CDH22: variants seen among roughly 807,000 people sequenced by gnomAD.
The protein encoded by CDH22 is cadherin 22.
CDH22 carries 30 observed loss-of-function variants against 58.4 expected under a neutral mutation model. That is an observed-to-expected ratio of 0.51 (90% CI 0.38 to 0.70). The LOEUF is 0.70. CDH22 is among the 30% of genes least tolerant of loss of function. The pLI is 0.00. For missense variants in CDH22, 1,014 were observed against 1,233.9 expected, an observed-to-expected ratio of 0.82 and a Z score of 2.67; for synonymous variants, 513 against 558.2, an observed-to-expected ratio of 0.92 and a Z score of 1.14.
intron 1 of CDH22, among the ~76,000 whole-genome samples, chr20:46,261,902 A>C (rs1481795139): frequency 6.6e-6 from 1 of 152,106 alleles, no homozygotes; most frequent in Admixed American, 6.5e-5. Flanking sequence ...GGCACGATGG[A>C]GCCACAAATG....
intron 5 of CDH22, 63 bp from the exon 6 acceptor site, chr20:46,213,251 T>A: frequency 1.5e-6 from 2 of 1,337,548 alleles, no homozygotes; most frequent in South Asian, 2.4e-5. Context: ...CTGCCAGCAG[T>A]GGGGGAGGGG....
chr20:46,294,136 T>C (rs1480139098), intron 1 of CDH22, among the ~76,000 whole-genome samples: 2 of 152,230 alleles, frequency 1.3e-5, no homozygotes, highest in Non-Finnish European at 2.9e-5. Flanking sequence ...GGGGCAGCTT[T>C]ATGGTTTATG....
At chr20:46,249,245 T>C (rs924384857) in intron 2 of CDH22, among the ~76,000 whole-genome samples, 2 of 152,202 alleles carry the variant, frequency 1.3e-5, no homozygotes, top group African/African-American at 2.4e-5. Flanking sequence ...TGTTTCACCA[T>C]TGGCTACTAC....
intron 4 of CDH22, among the ~76,000 whole-genome samples, chr20:46,223,353 A>C (rs1383076986): frequency 6.6e-6 from 1 of 151,588 alleles, no homozygotes; most frequent in Non-Finnish European, 1.5e-5. Context: ...CCCTTCTCTT[A>C]TTTCTATGTT....
intron 4 of CDH22, among the ~76,000 whole-genome samples, chr20:46,226,631 T>C (rs1171057552): frequency 1.3e-5 from 2 of 152,002 alleles, no homozygotes; most frequent in East Asian, 3.9e-4. Flanking sequence ...CGAGAAGCCT[T>C]GCATCCTAAT....
chr20:46,197,128 G>A (rs568462730), intron 8 of CDH22, among the ~76,000 whole-genome samples: 11 of 152,240 alleles, frequency 7.2e-5, no homozygotes, highest in South Asian at 2.1e-4. Flanking sequence ...CAGCAATGCC[G>A]TGGGGACCAA....
At chr20:46,230,205 G>A (rs550615626) in intron 3 of CDH22, among the ~76,000 whole-genome samples, 129 of 152,226 alleles carry the variant, frequency 8.5e-4, no homozygotes, top group African/African-American at 2.9e-3. Context: ...AGGTTCAGCA[G>A]TTTATATTTC....
intron 7 of CDH22, among the ~76,000 whole-genome samples, chr20:46,205,171 T>C (rs887778166): frequency 1.2e-4 from 19 of 152,198 alleles, no homozygotes; most frequent in Admixed American, 6.5e-4. Context: ...CCACACATGA[T>C]GCCTGGAAAA....
At chr20:46,181,609 T>TTCCCTCCC (rs929451365) in intron 10 of CDH22, among the ~76,000 whole-genome samples, 115 of 142,734 alleles carry the variant, frequency 8.1e-4, no homozygotes, top group South Asian at 2.3e-3. Flanking sequence ...CCTTCCTTCC[T>TTCCCTCCC]TCCCTCCCTC....
chr20:46,198,054 G>A (rs1283732383), intron 8 of CDH22, among the ~76,000 whole-genome samples: 1 of 152,132 alleles, frequency 6.6e-6, no homozygotes, highest in African/African-American at 2.4e-5. Flanking sequence ...TGGTGGCTCT[G>A]TTGATGCCTG....
chr20:46,197,710 C>T (rs1274462080), intron 8 of CDH22, among the ~76,000 whole-genome samples: 1 of 152,214 alleles, frequency 6.6e-6, no homozygotes, highest in Non-Finnish European at 1.5e-5. Context: ...TTGTTATCTC[C>T]CTTTCATGCG....
At position 46,240,860 on chromosome 20, in the gene CDH22, T is replaced by G. The variant is rs1455392163; in HGVS notation, c.550+103A>C. 2.8e-6 allele frequency: 3 copies of G among 1,086,228 alleles called. No individual in the cohort carries two copies. In the South Asian group the frequency reaches 4.8e-5, roughly 17 times the overall value. The allele number at this position is 1,086,228 out of a possible 1,614,324, so 67.3% of individuals were successfully genotyped here. A position where few individuals can be genotyped will look rare whatever the true frequency, so the allele number is the denominator to read the frequency against. Reference sequence around the variant, plus strand: ...CTGTACCCTAGGTCAGCAGGCTCTGTCTTTTCTGTCCCTCCCCAGAGGATC... The same window carrying G: ...CTGTACCCTAGGTCAGCAGGCTCTGGCTTTTCTGTCCCTCCCCAGAGGATC... On this transcript the variant is annotated intron_variant, in intron 3 of 11. Transcript: ENST00000537909.
At position 46,199,595 on chromosome 20, in the gene CDH22, C is replaced by T. The variant is rs369946310; in HGVS notation, c.1287-36G>A. 5.0e-6 allele frequency: 8 copies of T among 1,604,744 alleles called. No homozygotes were observed. In the African/African-American group the frequency reaches 5.3e-5, roughly 11 times the overall value. On this transcript the variant is annotated intron_variant, in intron 7 of 11. Coordinates refer to ENST00000537909, the MANE Select transcript of CDH22 (RefSeq NM_021248.3). ...CAGGGCAGGGCTGATTGAAGGTGCC[C>T]CAGTGCCAAATGGAGCCCATGTCCT...
At chr20:46,254,505 A>C (rs1175074769) in intron 1 of CDH22, among the ~76,000 whole-genome samples, 1 of 150,928 alleles carries the variant, frequency 6.6e-6, no homozygotes, top group Non-Finnish European at 1.5e-5. Context: ...TAGTGAGCCA[A>C]GACCATGCCA....
chr20:46,207,078 G>T (rs1470405888), intron 7 of CDH22, among the ~76,000 whole-genome samples: 2 of 152,164 alleles, frequency 1.3e-5, no homozygotes, highest in African/African-American at 4.8e-5. Flanking sequence ...GTGTCCCCAG[G>T]CCTGGCTCAG....
rs2086184062 is a variant in CDH22, at chr20:46,227,452, G to A, written c.670+56C>T. 3 of 1,013,408 alleles carry A rather than the reference G, an allele frequency of 3.0e-6. No homozygotes were observed. In the African/African-American group the frequency reaches 4.8e-5, roughly 16 times the overall value. 62.8% of individuals were successfully genotyped at this position (1,013,408 alleles called of 1,614,324 possible). A position where few individuals can be genotyped will look rare whatever the true frequency, so the allele number is the denominator to read the frequency against. ...AGACGTCTGGGGTGGTCCTCGTCCCGCCCCGCCCCTGGCCCCGCCCCACGG... is the reference window on the plus strand; with the variant it reads ...AGACGTCTGGGGTGGTCCTCGTCCCACCCCGCCCCTGGCCCCGCCCCACGG... On this transcript the variant is annotated intron_variant, in intron 4 of 11. Coordinates refer to ENST00000537909, the MANE Select transcript of CDH22 (RefSeq NM_021248.3).
chr20:46,229,868 G>A (rs1020885209), intron 3 of CDH22, among the ~76,000 whole-genome samples: 3 of 152,104 alleles, frequency 2.0e-5, no homozygotes, highest in Non-Finnish European at 4.4e-5. Context: ...CACTCCCTGG[G>A]CAAAGCACAA....
chr20:46,240,352 C>T (rs1028564184), intron 3 of CDH22, among the ~76,000 whole-genome samples: 97 of 152,030 alleles, frequency 6.4e-4, no homozygotes, highest in African/African-American at 2.2e-3. Context: ...GGTGTGAGGT[C>T]GTGGGTCTGA....
chr20:46,292,989 A>T (rs539368155), intron 1 of CDH22, among the ~76,000 whole-genome samples: 1 of 152,012 alleles, frequency 6.6e-6, no homozygotes, highest in South Asian at 2.1e-4. Flanking sequence ...GAGTCCTTGC[A>T]GACAGATCCT....
Sources: gnomAD v4.1 joint callset for allele counts (sites outside exome capture counted in the v4.1 genomes callset) on GRCh38, gnomAD v4.1.1 for gene constraint, MANE v1.5 for transcripts, NCBI Gene and HGNC (gene_info 2026-07-23, HGNC 2026-07-21) for gene names.